ANKRD24: variants seen among roughly 807,000 people sequenced by gnomAD.
The protein encoded by ANKRD24 is ankyrin repeat domain 24, also known as ankyrin repeat domain-containing protein 24.
A neutral mutation model predicts 127.8 loss-of-function variants in ANKRD24; 109 were observed. The observed-to-expected ratio is 0.85, with a 90% CI of 0.73 to 1.00. ANKRD24 has a LOEUF of 1.00. ANKRD24 is among the 50% of genes least tolerant of loss of function. The pLI is 0.00. For missense variants in ANKRD24, 1,648 were observed against 1,570.2 expected (o/e 1.05, Z -0.84); for synonymous variants, 743 against 671.1 (o/e 1.11, Z -1.66).
rs566507537 is a variant in ANKRD24 at position 4,218,779 on chromosome 19, G to T, written c.3003+616G>T. ...TTTTTTTTTTTTTTTCAGACAGGGT[G>T]TGGCTCTGTCTGAAAAGTCACCCAG... On this transcript the variant is annotated intron_variant, in intron 18 of 21. Coordinates refer to ENST00000318934, the MANE Select transcript of ANKRD24 (RefSeq NM_001393985.1). 2.6e-5 allele frequency among the ~76,000 whole-genome samples: 3 copies of T among 114,290 alleles called. No individual in the cohort carries two copies. In the East Asian group the frequency reaches 8.2e-4, roughly 31 times the overall value. The allele number at this position is 114,290 out of a possible 152,430, so 75.0% of individuals were successfully genotyped here.
At chr19:4,189,597 G>C (rs962913795) in intron 2 of ANKRD24, among the ~76,000 whole-genome samples, 5 of 151,594 alleles carry the variant, frequency 3.3e-5, no homozygotes, top group Admixed American at 6.6e-5. Context: ...TGTTGTCCAG[G>C]CTGGTCTCAA....
chr19:4,214,685 C>T (rs576733565), intron 15 of ANKRD24, among the ~76,000 whole-genome samples: 2 of 151,884 alleles, frequency 1.3e-5, no homozygotes, highest in African/African-American at 4.8e-5. Context: ...GAAACCCCAT[C>T]TCTACTAAAA....
intron 15 of ANKRD24, 51 bp from the exon 16 acceptor site, chr19:4,215,927 C>T (rs1009512208): frequency 1.4e-6 from 2 of 1,464,990 alleles, no homozygotes; most frequent in African/African-American, 2.8e-5. Flanking sequence ...GGTGGGGACA[C>T]ACGGGGGCTG....
chr19:4,216,439 T>A, intron 17 of ANKRD24, 37 bp downstream of exon 17: 1 of 1,556,986 alleles, frequency 6.4e-7, no homozygotes, highest in South Asian at 1.2e-5. Flanking sequence ...TCTGAGGACC[T>A]AGGGCTGGTT....
chr19:4,213,346 CCTT>C (rs761138504), intron 15 of ANKRD24, among the ~76,000 whole-genome samples: 4 of 149,346 alleles, frequency 2.7e-5, no homozygotes, highest in South Asian at 2.1e-4. Context: ...TTCCTTCCTT[CCTT>C]CGTTTTCCTT....
rs535086508 is a variant in ANKRD24, at chr19:4,217,000, G to A, written c.1840G>A (p.Glu614Lys). 2 of 1,613,730 alleles carry A rather than the reference G, an allele frequency of 1.2e-6. No homozygotes were observed. Among genetic ancestry groups the A allele is most frequent in the Non-Finnish European group, 1.7e-6 (2 of 1,179,806 alleles). ...GGTCAGAGAAATGGAGACCACAGAA[G>A]AAGAAGCAAACATGGAAACTAAGCC... ...AEVREMETTE[E>K]EANMETKPTG... Residue 614 changes from glutamate to lysine, a missense_variant, in exon 18 of 22, where the codon GAA becomes AAA. Glu to Lys is a moderately conservative substitution (Grantham distance 56). Coordinates refer to ENST00000318934, the MANE Select transcript of ANKRD24 (RefSeq NM_001393985.1).
In ANKRD24 at chr19:4,206,677, C is replaced by T. The variant is rs973508157; in HGVS notation, c.467-565C>T. Reference sequence around the variant, plus strand: ...TGCTTGGGACTGGCAGTCGGCAGACCTAGATCCTAGATCTGACTCTGCCTC... The same window carrying T: ...TGCTTGGGACTGGCAGTCGGCAGACTTAGATCCTAGATCTGACTCTGCCTC... On this transcript the variant is annotated intron_variant, in intron 7 of 21. Coordinates refer to ENST00000318934, the MANE Select transcript of ANKRD24 (RefSeq NM_001393985.1). Among the ~76,000 whole-genome samples, 23 of 152,190 alleles carry T rather than the reference C, an allele frequency of 1.5e-4. No individual in the cohort carries two copies. The East Asian group carries it at 4.5e-3, about 29-fold the overall frequency.
In ANKRD24 at chr19:4,222,725, C is replaced by T. The variant is rs767134387; in HGVS notation, c.3227C>T (p.Pro1076Leu). ...FNLKEALKEQPAALATPEVEA... is the reference protein window; with the variant it reads ...FNLKEALKEQLAALATPEVEA... ...CTTAAGGAAGCCTTGAAGGAGCAGC[C>T]GGCCGCCCTCGCCACCCCTGAGGTG... Residue 1076 changes from proline to leucine, a missense_variant, in exon 20 of 22, where the codon CCG becomes CTG. By Grantham distance (98) the Pro-to-Leu change is moderately conservative (BLOSUM62 -3). Transcript: ENST00000318934. The T allele has an allele frequency of 3.3e-5, 54 of 1,612,054 alleles. No homozygotes were observed. The East Asian group carries it at 3.6e-4, about 11-fold the overall frequency.
intron 2 of ANKRD24, among the ~76,000 whole-genome samples, chr19:4,193,864 G>GAAGGAAGA (rs1568315682): frequency 7.5e-6 from 1 of 133,132 alleles, no homozygotes; most frequent in Admixed American, 7.5e-5. Flanking sequence ...AGGAAGGAAG[G>GAAGGAAGA]AAGGAAGGAA....
chr19:4,194,432 C>T (rs576915410), intron 2 of ANKRD24, among the ~76,000 whole-genome samples: 8 of 152,286 alleles, frequency 5.3e-5, no homozygotes, highest in South Asian at 2.1e-4. Flanking sequence ...AGATTGTAGG[C>T]GTGAACCACC....
At chr19:4,203,647 C>A (rs1969220993) in intron 7 of ANKRD24, among the ~76,000 whole-genome samples, 1 of 152,072 alleles carries the variant, frequency 6.6e-6, no homozygotes, top group South Asian at 2.1e-4. Flanking sequence ...CCTCACCTAG[C>A]CTCCTCCTTT....
At chr19:4,215,302 G>A (rs1369220172) in intron 15 of ANKRD24, among the ~76,000 whole-genome samples, 1 of 152,178 alleles carries the variant, frequency 6.6e-6, no homozygotes, top group Non-Finnish European at 1.5e-5. Flanking sequence ...CCTGGCCAAC[G>A]TGGTGAAACC....
At chr19:4,183,802 G>A (rs1157044322) in intron 1 of ANKRD24, among the ~76,000 whole-genome samples, 1 of 152,142 alleles carries the variant, frequency 6.6e-6, no homozygotes, top group Non-Finnish European at 1.5e-5. Flanking sequence ...AGCTGCTCGG[G>A]AGGCTGAGGC....
chr19:4,182,722 C>T lies in ANKRD24; in HGVS notation c.-55C>T, dbSNP rs1211924014. On this transcript the variant is annotated 5_prime_UTR_variant, in exon 1 of 22. Transcript: ENST00000318934. ...CATGTTATCTGCTGTCAGAAGGAAG[C>T]CTGCCTCTTTGCATGCAGGTGTTTG... The T allele has an allele frequency of 1.2e-5, 17 of 1,403,754 alleles. No individual in the cohort carries two copies. Among genetic ancestry groups the T allele is most frequent in the East Asian group, 8.7e-5 (3 of 34,468 alleles). The allele number at this position is 1,403,754 out of a possible 1,614,324, so 87.0% of individuals were successfully genotyped here. A position where few individuals can be genotyped will look rare whatever the true frequency, so the allele number is the denominator to read the frequency against.
Position 4,218,172 on chromosome 19 carries a change from G to C in ANKRD24, c.3003+9G>C, listed in dbSNP as rs1170806521. 23 of 1,464,118 alleles carry C rather than the reference G, an allele frequency of 1.6e-5. No individual in the cohort carries two copies. The Admixed American group carries it at 5.7e-4, about 36-fold the overall frequency. 90.7% of individuals were successfully genotyped at this position (1,464,118 alleles called of 1,614,324 possible). A position where few individuals can be genotyped will look rare whatever the true frequency, so the allele number is the denominator to read the frequency against. On this transcript the variant is annotated intron_variant, in intron 18 of 21. Coordinates refer to ENST00000318934, the MANE Select transcript of ANKRD24 (RefSeq NM_001393985.1). ...GCGCAGAGGTCTTCCAGGTGAGCAG[G>C]GCTGGTCACCACCCGGGCCCCACCC...
rs764767359 is a variant in ANKRD24 at position 4,210,317 on chromosome 19, G to A, written c.1004G>A (p.Arg335His). The change falls in exon 13 of 22, where the codon CGC (arginine) becomes CAC (histidine). Residue 335 changes from arginine (R) to histidine (H), a missense_variant. By Grantham distance (29) the Arg-to-His change is conservative. Coordinates refer to ENST00000318934, the MANE Select transcript of ANKRD24 (RefSeq NM_001393985.1). ...GTGAGGCTGCGGCAGGAGAGGGGCC[G>A]CCTCCTGCAGAAGATCCGGGGCCTG... The part of the protein sequence containing the change: ...EIVRLRQERG[R>H]LLQKIRGLEQ... 25 of 1,582,276 alleles carry A rather than the reference G, an allele frequency of 1.6e-5. No homozygotes were observed. The highest frequency in any genetic ancestry group is 1.1e-4 in the African/African-American group (8 of 74,294).
In ANKRD24 at chr19:4,212,602, G is replaced by T. The variant is rs779816859; in HGVS notation, c.1101G>T (p.Val367=). Residue 367 remains valine, a splice_region_variant and synonymous_variant, in exon 15 of 22, where the codon GTG becomes GTT. Coordinates refer to ENST00000318934, the MANE Select transcript of ANKRD24 (RefSeq NM_001393985.1). ...ASSLHILERQ[V]QELQQLLVER... The stretch of plus-strand genomic sequence containing the variant: ...TGAGCCTCCACTGCTGCTCCCAGGT[G>T]CAAGAGCTACAGCAGTTGCTGGTGG... 31 of 1,550,718 alleles carry T rather than the reference G, an allele frequency of 2.0e-5. No individual in the cohort carries two copies. The highest frequency in any genetic ancestry group is 2.7e-5 in the Non-Finnish European group (31 of 1,146,928).
At position 4,199,917 on chromosome 19, in the gene ANKRD24, G is replaced by T; in HGVS notation, c.166G>T (p.Val56Leu). The T allele has an allele frequency of 9.5e-6, 15 of 1,571,380 alleles. No homozygotes were observed. Among genetic ancestry groups the T allele is most frequent in the Non-Finnish European group, 1.2e-5 (14 of 1,159,208 alleles). ...GKSDERLLQAVENNDAPRVAA... is the reference protein window; with the variant it reads ...GKSDERLLQALENNDAPRVAA... ...GAGTGACGAGAGGCTGCTACAAGCC[G>T]TGGAAAACAACGATGCACCTCGGGT... Residue 56 changes from valine (V) to leucine (L), a missense_variant, in exon 4 of 22, where the codon GTG becomes TTG. Coordinates refer to ENST00000318934, the MANE Select transcript of ANKRD24 (RefSeq NM_001393985.1). This position sits in a 1 kb window ranked among gnomAD's most constrained non-coding sequence, Gnocchi z 5.2.
intron 16 of ANKRD24, 53 bp downstream of exon 16, chr19:4,216,103 G>A (rs1433196532): frequency 6.5e-7 from 1 of 1,527,060 alleles, no homozygotes; most frequent in African/African-American, 1.4e-5. Flanking sequence ...CTGGGGCCCT[G>A]GAAGACGGAG....
Sources: gnomAD v4.1 joint callset for allele counts (sites outside exome capture counted in the v4.1 genomes callset) on GRCh38, gnomAD v4.1.1 for gene constraint, Gnocchi (gnomAD v3.1) non-coding constraint, MANE v1.5 for transcripts, NCBI Gene and HGNC (gene_info 2026-07-23, HGNC 2026-07-21) for gene names.